Variants in RAB15 observed in about 807,000 individuals in gnomAD.
RAB15 encodes the protein RAB15, member RAS oncogene family.
RAB15 carries 13 observed loss-of-function variants against 31.8 expected under a neutral mutation model. The ratio of observed to expected loss-of-function variants is 0.41; its 90% CI spans 0.27 to 0.65. RAB15 has a LOEUF of 0.65. RAB15 is among the 30% of genes least tolerant of loss of function. The pLI is 0.32. For missense variants in RAB15, 220 were observed against 277.3 expected (o/e 0.79, Z 1.47); for synonymous variants, 100 against 105.6 (o/e 0.95, Z 0.33).
At chr14:64,957,682 A>C (rs1438546642) in intron 1 of RAB15, among the ~76,000 whole-genome samples, 2 of 152,148 alleles carry the variant, frequency 1.3e-5, no homozygotes, top group African/African-American at 2.4e-5. Context: ...CAGGGAAGCC[A>C]ATTCTCATGT....
chr14:64,965,173 G>A (rs950716729), intron 1 of RAB15, among the ~76,000 whole-genome samples: 3 of 151,806 alleles, frequency 2.0e-5, no homozygotes, highest in African/African-American at 7.3e-5. Flanking sequence ...AAGAGATGGG[G>A]TCGGCCAGCC....
In RAB15 at chr14:64,968,623, CTTTGTTT is replaced by C. The variant is rs142674722; in HGVS notation, c.124+3323_124+3329del. Among the ~76,000 whole-genome samples the C allele has an allele frequency of 3.5e-4, 54 of 152,296 alleles. No homozygotes were observed. In the East Asian group the frequency reaches 9.8e-3, roughly 28 times the overall value. ...CAGATATCTCATTTTGGCACTAGCT[CTTTGTTT>C]TTTGTTTTTCCCTTTGTCTTGCCTC... On this transcript the variant is annotated intron_variant, in intron 1 of 6. Transcript: ENST00000533601. This position sits in a 1 kb window ranked among gnomAD's most constrained non-coding sequence, Gnocchi z 4.9.
At position 64,950,567 on chromosome 14, in the gene RAB15, G is replaced by A. The variant is rs966488855; in HGVS notation, c.325-153C>T. ...ATGCAGGTGCCAGGCTCCCCCAAGTGCCATGGCTGACCTCAAGGGTATCAC... is the reference window on the plus strand; with the variant it reads ...ATGCAGGTGCCAGGCTCCCCCAAGTACCATGGCTGACCTCAAGGGTATCAC... On this transcript the variant is annotated intron_variant, in intron 4 of 6. Transcript: ENST00000533601. The surrounding 1 kb of genome is among the most constrained non-coding windows in gnomAD (Gnocchi z 5.6). 9.8e-6 allele frequency: 7 copies of A among 710,666 alleles called. No individual in the cohort carries two copies. The highest frequency in any genetic ancestry group is 3.5e-5 in the African/African-American group (2 of 57,502). 44.0% of individuals were successfully genotyped at this position (710,666 alleles called of 1,614,324 possible). A position where few individuals can be genotyped will look rare whatever the true frequency, so the allele number is the denominator to read the frequency against.
intron 1 of RAB15, among the ~76,000 whole-genome samples, chr14:64,956,617 C>T (rs948324828): frequency 6.6e-6 from 1 of 152,054 alleles, no homozygotes; most frequent in Admixed American, 6.6e-5. Context: ...GTCAAGAGAG[C>T]GAGAGCACAA....
intron 1 of RAB15, among the ~76,000 whole-genome samples, chr14:64,960,867 C>A (rs1886817368): frequency 6.6e-6 from 1 of 152,180 alleles, no homozygotes; most frequent in Non-Finnish European, 1.5e-5. Context: ...AAATGCCGCC[C>A]CCTGTGGGGC....
chr14:64,960,458 A>G (rs1330664681), intron 1 of RAB15, among the ~76,000 whole-genome samples: 1 of 152,196 alleles, frequency 6.6e-6, no homozygotes, highest in East Asian at 1.9e-4. Context: ...GGCCATTAAG[A>G]GCACAATTGG....
chr14:64,959,162 C>G (rs1461409076), intron 1 of RAB15, among the ~76,000 whole-genome samples: 2 of 152,232 alleles, frequency 1.3e-5, no homozygotes, highest in African/African-American at 4.8e-5. Context: ...GGATGATGAA[C>G]ATGCTGACTG....
At position 64,961,171 on chromosome 14, in the gene RAB15, GGCCAGGCCA is replaced by G. The variant is rs1192768778; in HGVS notation, c.125-8609_125-8601del. ...CCCAAGGCAGACACCCAATCCCCAG[GGCCAGGCCA>G]GCTCCAGTTACCAAGCACAGGTCCC... On this transcript the variant is annotated intron_variant, in intron 1 of 6. Coordinates refer to ENST00000533601, the MANE Select transcript of RAB15 (RefSeq NM_001308154.2). 3.3e-5 allele frequency among the ~76,000 whole-genome samples: 5 copies of G among 152,162 alleles called. No homozygotes were observed. In the East Asian group the frequency reaches 9.6e-4, roughly 29 times the overall value.
At chr14:64,969,918 C>T (rs965551734) in intron 1 of RAB15, among the ~76,000 whole-genome samples, 2 of 152,124 alleles carry the variant, frequency 1.3e-5, no homozygotes, top group East Asian at 1.9e-4. Context: ...AAGGAGAGCA[C>T]GAGCCTCAGA....
intron 1 of RAB15, among the ~76,000 whole-genome samples, chr14:64,959,431 A>T (rs1016078497): frequency 6.6e-6 from 1 of 152,132 alleles, no homozygotes; most frequent in Non-Finnish European, 1.5e-5. Flanking sequence ...AGCCTCAACT[A>T]CACAAAAAGA....
rs1264122075 is a variant in RAB15 at position 64,962,671 on chromosome 14, C to G, written c.124+9282G>C. Among the ~76,000 whole-genome samples, 2 of 152,158 alleles carry G rather than the reference C, an allele frequency of 1.3e-5. No homozygotes were observed. The highest frequency in any genetic ancestry group is 2.9e-5 in the Non-Finnish European group (2 of 68,030). On this transcript the variant is annotated intron_variant, in intron 1 of 6. Coordinates refer to ENST00000533601, the MANE Select transcript of RAB15 (RefSeq NM_001308154.2). This position sits in a 1 kb window ranked among gnomAD's most constrained non-coding sequence, Gnocchi z 4.2. ...GATCCAAAGAATCAGGTAGAGGAAG[C>G]AGCAAAGATCCTGTGGCAGGACACA...
In RAB15 at chr14:64,966,277, C is replaced by T. The variant is rs140595595; in HGVS notation, c.124+5676G>A. ...TGGTGTTCAGCAAATAGCGCCTGAA[C>T]GACTGAGTGCACAAGTGATGGATAC... On this transcript the variant is annotated intron_variant, in intron 1 of 6. Transcript: ENST00000533601. Among the ~76,000 whole-genome samples, 12 of 152,260 alleles carry T rather than the reference C, an allele frequency of 7.9e-5. No individual in the cohort carries two copies. The East Asian group carries it at 1.7e-3, about 22-fold the overall frequency.
chr14:64,951,555 G>T lies in RAB15; in HGVS notation c.246+48C>A. On this transcript the variant is annotated intron_variant, in intron 3 of 6. Coordinates refer to ENST00000533601, the MANE Select transcript of RAB15 (RefSeq NM_001308154.2). The surrounding 1 kb of genome is among the most constrained non-coding windows in gnomAD (Gnocchi z 7.2). ...ACATCTCAAATACCCAGAGCTGGGA[G>T]TGTGGGTGGCAGCTTCCCACTTTGA... The T allele has an allele frequency of 6.6e-7, 1 of 1,511,592 alleles. No individual in the cohort carries two copies. The highest frequency in any genetic ancestry group is 9.2e-7 in the Non-Finnish European group (1 of 1,086,150). The allele number at this position is 1,511,592 out of a possible 1,614,324, so 93.6% of individuals were successfully genotyped here. A position where few individuals can be genotyped will look rare whatever the true frequency, so the allele number is the denominator to read the frequency against.
rs148149191 is a variant in RAB15 at position 64,963,818 on chromosome 14, G to A, written c.124+8135C>T. Among the ~76,000 whole-genome samples, 60 of 152,276 alleles carry A rather than the reference G, an allele frequency of 3.9e-4. 2 individuals are homozygous for A. The highest frequency in any genetic ancestry group is 2.9e-5 in the Non-Finnish European group (2 of 68,022). ...CAGCACCTCCTACAGGGAAGAGGAT[G>A]TGTGCTTCCCCCACACCCAGGGCCC... is the stretch of plus-strand genomic sequence containing the variant. On this transcript the variant is annotated intron_variant, in intron 1 of 6. Coordinates refer to ENST00000533601, the MANE Select transcript of RAB15 (RefSeq NM_001308154.2).
In RAB15 at chr14:64,971,745, C is replaced by T; in HGVS notation, c.124+208G>A. 2 of 576,926 alleles carry T rather than the reference C, an allele frequency of 3.5e-6. No homozygotes were observed. Among genetic ancestry groups the T allele is most frequent in the Non-Finnish European group, 6.2e-6 (2 of 325,066 alleles). 35.7% of individuals were successfully genotyped at this position (576,926 alleles called of 1,614,324 possible). A position where few individuals can be genotyped will look rare whatever the true frequency, so the allele number is the denominator to read the frequency against. ...AGGCTTCCCGGCAAGAGGCGGGAGA[C>T]CCCACCCCTGGTCCGGACGGCAGGC... On this transcript the variant is annotated intron_variant, in intron 1 of 6. Transcript: ENST00000533601. The surrounding 1 kb of genome is among the most constrained non-coding windows in gnomAD (Gnocchi z 4.1).
intron 1 of RAB15, among the ~76,000 whole-genome samples, chr14:64,957,646 G>A (rs1478070148): frequency 1.3e-5 from 2 of 152,262 alleles, no homozygotes; most frequent in African/African-American, 4.8e-5. Flanking sequence ...CATGAAGTAG[G>A]CAGGAGTAGG....
Position 64,954,056 on chromosome 14 carries a change from A to G in RAB15, c.125-1485T>C, listed in dbSNP as rs1886409335. On this transcript the variant is annotated intron_variant, in intron 1 of 6. Coordinates refer to ENST00000533601, the MANE Select transcript of RAB15 (RefSeq NM_001308154.2). The surrounding 1 kb of genome is among the most constrained non-coding windows in gnomAD (Gnocchi z 4.3). Reference sequence around the variant, plus strand: ...TTCTGTCTCTTCCTTCCCACCATCAAGACCAATCATCATTTAATTACAAGG... The same window carrying G: ...TTCTGTCTCTTCCTTCCCACCATCAGGACCAATCATCATTTAATTACAAGG... 1 of 985,346 alleles carries G rather than the reference A, an allele frequency of 1.0e-6. No homozygotes were observed. Among genetic ancestry groups the G allele is most frequent in the South Asian group, 4.7e-5 (1 of 21,292 alleles). The allele number at this position is 985,346 out of a possible 1,614,324, so 61.0% of individuals were successfully genotyped here.
chr14:64,949,700 G>A (rs1247136310), intron 5 of RAB15, among the ~76,000 whole-genome samples: 2 of 147,760 alleles, frequency 1.4e-5, no homozygotes, highest in Non-Finnish European at 3.0e-5. Context: ...TCTAGCCTGG[G>A]TGACAGAGCG....
rs1886248066 is a variant in RAB15 at position 64,951,511 on chromosome 14, T to A, written c.246+92A>T. 3 of 1,169,470 alleles carry A rather than the reference T, an allele frequency of 2.6e-6. No homozygotes were observed. The highest frequency in any genetic ancestry group is 3.0e-5 in the African/African-American group (2 of 66,552). 72.4% of individuals were successfully genotyped at this position (1,169,470 alleles called of 1,614,324 possible). ...CTCCTCCAAGCAGGCGAACTGTATT[T>A]AGGGGATCCGTGGCACAGACATCTC... is the stretch of plus-strand genomic sequence containing the variant. On this transcript the variant is annotated intron_variant, in intron 3 of 6. Transcript: ENST00000533601. This position sits in a 1 kb window ranked among gnomAD's most constrained non-coding sequence, Gnocchi z 7.2.
Sources: allele counts gnomAD v4.1 joint callset (sites outside exome capture counted in the v4.1 genomes callset), GRCh38; gene constraint gnomAD v4.1.1; non-coding constraint Gnocchi (gnomAD v3.1); transcripts MANE v1.5; gene names NCBI Gene and HGNC (gene_info 2026-07-23, HGNC 2026-07-21).